Variants in ZFHX3 observed in about 807,000 individuals in gnomAD.
ZFHX3 encodes the protein zinc finger homeobox 3.
A neutral mutation model predicts 279.1 loss-of-function variants in ZFHX3; 42 were observed. That is an observed-to-expected ratio of 0.15 (90% CI 0.12 to 0.19). The LOEUF (loss-of-function observed/expected upper bound fraction) is 0.19. Ranked by LOEUF, ZFHX3 falls within the 10% of genes least tolerant of loss-of-function variation. The pLI, the probability that ZFHX3 is intolerant of heterozygous loss-of-function variation, is 1.00. For missense variants in ZFHX3, 4,981 were observed against 4,754.0 expected (o/e 1.05, Z -1.40); for synonymous variants, 2,293 against 1,957.8 (o/e 1.17, Z -4.52).
intron 7 of ZFHX3, among the ~76,000 whole-genome samples, chr16:73,111,630 AAAG>A (rs1966374928): frequency 7.5e-6 from 1 of 133,072 alleles, no homozygotes; most frequent in Non-Finnish European, 1.6e-5. Flanking sequence ...AGAGAGAGAG[AAAG>A]AAGAGAGAGA....
At position 73,687,846 on chromosome 16, in the gene ZFHX3, C is replaced by CAAAA. The variant is rs535371406; in HGVS notation, c.-1607-7610_-1607-7607dup. Among the ~76,000 whole-genome samples, 616 of 63,882 alleles carry CAAAA rather than the reference C, an allele frequency of 9.6e-3. 41 individuals are homozygous for CAAAA. Among genetic ancestry groups the CAAAA allele is most frequent in the African/African-American group, 0.032 (587 of 18,252 alleles). The allele number at this position is 63,882 out of a possible 152,430, so 41.9% of individuals were successfully genotyped here. A position where few individuals can be genotyped will look rare whatever the true frequency, so the allele number is the denominator to read the frequency against. On this transcript the variant is annotated intron_variant, in intron 1 of 17. Transcript: ENST00000641206. ...CTGGTGACAGAGCAAGACTCTGTCT[C>CAAAA]AAAAAAAAAAAAAAAAAAAAAAACA...
chr16:73,056,802 C>T (rs550246075), intron 1 of ZFHX3, among the ~76,000 whole-genome samples: 1 of 152,204 alleles, frequency 6.6e-6, no homozygotes. Flanking sequence ...CTTCTCCCCT[C>T]GCCCACTGCC....
intron 5 of ZFHX3, among the ~76,000 whole-genome samples, chr16:73,213,982 T>C (rs1056580674): frequency 1.3e-5 from 2 of 150,282 alleles, no homozygotes; most frequent in African/African-American, 5.0e-5. Flanking sequence ...TTCACAACTG[T>C]TTAATAGATA....
At chr16:73,575,958 G>A (rs1196636351) in intron 2 of ZFHX3, among the ~76,000 whole-genome samples, 1 of 152,076 alleles carries the variant, frequency 6.6e-6, no homozygotes, top group African/African-American at 2.4e-5. Context: ...CACACAAAAT[G>A]GATTTTCAGG....
In ZFHX3 at chr16:73,792,856, A is replaced by ACCC. The variant is rs55813623; in HGVS notation, c.-1608+98792_-1608+98794dup. The stretch of plus-strand genomic sequence containing the variant: ...AGTTTGGCCCTTGACCATACAGTGC[A>ACCC]CCCCCCCCCTCCCCTCTCTGCTGTG... On this transcript the variant is annotated intron_variant, in intron 1 of 17. Coordinates refer to the ZFHX3 transcript ENST00000641206. Among the ~76,000 whole-genome samples the ACCC allele has an allele frequency of 7.7e-3, 1,036 of 134,970 alleles. 10 individuals carry two copies. Among genetic ancestry groups the ACCC allele is most frequent in the Non-Finnish European group, 0.012 (746 of 63,556 alleles). 88.5% of individuals were successfully genotyped at this position (134,970 alleles called of 152,430 possible).
chr16:73,248,155 G>A lies in ZFHX3; in HGVS notation c.-1104+8892C>T, dbSNP rs564400731. Among the ~76,000 whole-genome samples, 84 of 152,028 alleles carry A rather than the reference G, an allele frequency of 5.5e-4. No homozygotes were observed. The South Asian group carries it at 0.017, about 31-fold the overall frequency. On this transcript the variant is annotated intron_variant, in intron 5 of 17. Transcript: ENST00000641206. ...GTATAAAATGTGTGTGTTTGTCTAT[G>A]TGCCTGTATGTGGAGTGTGTGTGCG...
At chr16:72,935,515 C>A (rs569262529) in intron 3 of ZFHX3, among the ~76,000 whole-genome samples, 1 of 152,050 alleles carries the variant, frequency 6.6e-6, no homozygotes. Context: ...CAGAGGCAGG[C>A]GGATCGCCCG....
chr16:73,133,415 G>A (rs572276705), intron 6 of ZFHX3, among the ~76,000 whole-genome samples: 18 of 152,058 alleles, frequency 1.2e-4, no homozygotes, highest in African/African-American at 2.4e-4. Flanking sequence ...CCAGCTACTC[G>A]GGAGGCTGAG....
At chr16:72,900,808 G>A (rs536569894) in intron 3 of ZFHX3, among the ~76,000 whole-genome samples, 19 of 152,182 alleles carry the variant, frequency 1.2e-4, no homozygotes, top group Non-Finnish European at 1.3e-4. Context: ...GCCGATCTGG[G>A]ACCACACTTT....
At chr16:73,318,628 A>G (rs1339775261) in intron 3 of ZFHX3, among the ~76,000 whole-genome samples, 3 of 152,182 alleles carry the variant, frequency 2.0e-5, no homozygotes, top group Non-Finnish European at 4.4e-5. Flanking sequence ...GACAATTAAG[A>G]AACCTCAAAG....
chr16:73,139,200 C>A (rs1966839862), intron 6 of ZFHX3, among the ~76,000 whole-genome samples: 1 of 152,174 alleles, frequency 6.6e-6, no homozygotes. Flanking sequence ...AATGGTATAT[C>A]CAACACTGGA....
At chr16:73,552,337 A>G (rs2020215149) in intron 2 of ZFHX3, among the ~76,000 whole-genome samples, 2 of 152,218 alleles carry the variant, frequency 1.3e-5, no homozygotes. Context: ...TATGCCCTGT[A>G]CATGTTTTTG....
intron 2 of ZFHX3, among the ~76,000 whole-genome samples, chr16:73,604,015 G>T (rs2143867752): frequency 6.6e-6 from 1 of 151,928 alleles, no homozygotes; most frequent in East Asian, 1.9e-4. Flanking sequence ...CTGACCTCAG[G>T]TGATTTGCCA....
chr16:73,266,314 A>G (rs1269849592), intron 4 of ZFHX3, among the ~76,000 whole-genome samples: 3 of 152,210 alleles, frequency 2.0e-5, no homozygotes, highest in Admixed American at 2.0e-4. Flanking sequence ...CATTTTAAAT[A>G]ATTAGTATTA....
chr16:73,284,973 T>C (rs1413219674), intron 4 of ZFHX3, among the ~76,000 whole-genome samples: 2 of 152,216 alleles, frequency 1.3e-5, no homozygotes, highest in African/African-American at 2.4e-5. Context: ...CCCAAGTAGC[T>C]GAGTCTACAG....
Position 72,958,908 on chromosome 16 carries a change from G to A in ZFHX3, c.1238C>T (p.Thr413Ile), listed in dbSNP as rs909732055. Reference protein sequence around the residue: ...LGGLTSSVLKTPITSVPLGPL... With the variant: ...LGGLTSSVLKIPITSVPLGPL... Reference sequence around the variant, plus strand: ...CCCCAGGGGGACTGAGGTAATGGGGGTCTTCAGTACCGAGCTGGTGAGCCC... The same window carrying A: ...CCCCAGGGGGACTGAGGTAATGGGGATCTTCAGTACCGAGCTGGTGAGCCC... Residue 413 changes from threonine (T) to isoleucine (I), a missense_variant, in exon 2 of 10, where the codon ACC (threonine) becomes ATC (isoleucine). Transcript: ENST00000268489. 4.3e-5 allele frequency: 69 copies of A among 1,606,328 alleles called. No homozygotes were observed. The highest frequency in any genetic ancestry group is 5.6e-5 in the Non-Finnish European group (66 of 1,176,116).
At chr16:73,751,151 G>A (rs931068846) in intron 1 of ZFHX3, among the ~76,000 whole-genome samples, 3 of 152,138 alleles carry the variant, frequency 2.0e-5, no homozygotes, top group Non-Finnish European at 2.9e-5. Context: ...CAAAAGATAC[G>A]GACTGAGGAC....
chr16:72,811,585 T>C lies in ZFHX3; in HGVS notation c.3856A>G (p.Ile1286Val), dbSNP rs765001204. 1.3e-6 allele frequency: 2 copies of C among 1,591,408 alleles called. No individual in the cohort carries two copies. Among genetic ancestry groups the C allele is most frequent in the Non-Finnish European group, 1.7e-6 (2 of 1,165,786 alleles). Residue 1286 changes from isoleucine (I) to valine (V), a missense_variant, in exon 7 of 10, where the codon ATT becomes GTT. Physicochemically the swap from Ile to Val is conservative, Grantham distance 29. Around this residue, in one of 7 missense-constraint regions of ZFHX3, gnomAD observed 1,751 missense variants for 1,770.0 expected, o/e 0.99. Transcript: ENST00000268489. ...GCTCCTGGCTGCCTTACCGTCATAA[T>C]GAGCTTCTCCACGCAGTCAGGTGCC... ...SVAPDCVEKL[I>V]MTVTTPEMVM...
chr16:73,442,920 TTTTA>T (rs1387311679), intron 3 of ZFHX3, among the ~76,000 whole-genome samples: 5 of 152,184 alleles, frequency 3.3e-5, no homozygotes, highest in African/African-American at 1.2e-4. Flanking sequence ...TAATTTTTTA[TTTTA>T]TTTATTTTGT....
Sources: gnomAD v4.1 joint callset for allele counts (sites outside exome capture counted in the v4.1 genomes callset) on GRCh38, gnomAD v4.1.1 for gene constraint, gnomAD v4.1.1 regional missense constraint, MANE v1.5 for transcripts, NCBI Gene and HGNC (gene_info 2026-07-23, HGNC 2026-07-21) for gene names.